Variants in PIGX observed in about 807,000 individuals in gnomAD.
The protein encoded by PIGX is phosphatidylinositol glycan anchor biosynthesis class X.
In PIGX, 24 loss-of-function variants were observed where a neutral mutation model predicts 28.7. The observed-to-expected ratio is 0.84, with a 90% CI of 0.60 to 1.17. The LOEUF (loss-of-function observed/expected upper bound fraction) is 1.17. PIGX is among the 50% of genes most tolerant of loss of function. The pLI, the probability that PIGX is intolerant of heterozygous loss-of-function variation, is 0.00. For synonymous variants in PIGX, 127 were observed against 121.0 expected (o/e 1.05, Z -0.33); for missense variants, 305 against 317.8 (o/e 0.96, Z 0.31).
chr3:196,722,994 T>A (rs1712380776), intron 3 of PIGX, among the ~76,000 whole-genome samples: 1 of 152,226 alleles, frequency 6.6e-6, no homozygotes, highest in South Asian at 2.1e-4. Context: ...CTGCACCCTT[T>A]ACATAAATTA....
chr3:196,715,104 A>T (rs546702136), intron 1 of PIGX, among the ~76,000 whole-genome samples: 10 of 152,100 alleles, frequency 6.6e-5, no homozygotes, highest in Non-Finnish European at 1.3e-4. Flanking sequence ...AAATAAAAAT[A>T]AAAAAAGAAC....
intron 3 of PIGX, among the ~76,000 whole-genome samples, chr3:196,726,116 A>T (rs1037076879): frequency 2.0e-5 from 3 of 152,066 alleles, no homozygotes; most frequent in Non-Finnish European, 4.4e-5. Context: ...TAGAATTAAC[A>T]TCATCTCTAC....
At chr3:196,722,817 A>G (rs1712373941) in intron 3 of PIGX, among the ~76,000 whole-genome samples, 1 of 152,208 alleles carries the variant, frequency 6.6e-6, no homozygotes, top group Admixed American at 6.5e-5. Flanking sequence ...GTATGTCTTG[A>G]GAAAATTAAT....
rs1712874886 is a variant in PIGX, at chr3:196,733,017, A to G, written c.634-742A>G. 6.6e-6 allele frequency among the ~76,000 whole-genome samples: 1 copy of G among 152,194 alleles called. No individual in the cohort carries two copies. The highest frequency in any genetic ancestry group is 2.4e-5 in the African/African-American group (1 of 41,458). On this transcript the variant is annotated intron_variant, in intron 5 of 5. Coordinates refer to ENST00000392391, the MANE Select transcript of PIGX (RefSeq NM_017861.4). This position sits in a 1 kb window ranked among gnomAD's most constrained non-coding sequence, Gnocchi z 4.3. ...AAAGGCAAATGGGAATGAAAGAATA[A>G]TTTAGTTTTTTGTTGTTTTAATGTT... is the stretch of plus-strand genomic sequence containing the variant.
rs79931201 is a variant in PIGX, at chr3:196,715,526, G to T, written c.113-1332G>T. On this transcript the variant is annotated intron_variant, in intron 1 of 5. Transcript: ENST00000392391. Reference sequence around the variant, plus strand: ...TAGCATGTTAGATATTATTTAACCAGTTATTTTTTTCTATTCTTTTTTCAT... The same window carrying T: ...TAGCATGTTAGATATTATTTAACCATTTATTTTTTTCTATTCTTTTTTCAT... Among the ~76,000 whole-genome samples, 5 of 152,254 alleles carry T rather than the reference G, an allele frequency of 3.3e-5. No homozygotes were observed. In the East Asian group the frequency reaches 9.6e-4, roughly 29 times the overall value.
chr3:196,725,067 A>C (rs1288612449), intron 3 of PIGX, among the ~76,000 whole-genome samples: 1 of 152,250 alleles, frequency 6.6e-6, no homozygotes, highest in African/African-American at 2.4e-5. Context: ...AGGATAAGGC[A>C]GATCAAATAA....
At chr3:196,732,296 T>G (rs2108691326) in intron 5 of PIGX, among the ~76,000 whole-genome samples, 1 of 118,966 alleles carries the variant, frequency 8.4e-6, no homozygotes, top group African/African-American at 3.3e-5. Flanking sequence ...TTATTTTTTT[T>G]TTTGAGACGG....
intron 1 of PIGX, among the ~76,000 whole-genome samples, chr3:196,716,341 G>A (rs1203312076): frequency 3.3e-5 from 5 of 152,086 alleles, no homozygotes; most frequent in Admixed American, 6.6e-5. Flanking sequence ...TGTAGGCATG[G>A]ATGTTAGAAT....
At chr3:196,720,647 G>T (rs985684881) in intron 2 of PIGX, among the ~76,000 whole-genome samples, 1 of 152,118 alleles carries the variant, frequency 6.6e-6, no homozygotes, top group Non-Finnish European at 1.5e-5. Flanking sequence ...ATTCCCACCA[G>T]TGATGCTCAA....
chr3:196,717,292 C>G (rs533404123), intron 2 of PIGX, among the ~76,000 whole-genome samples: 7 of 55,280 alleles, frequency 1.3e-4, no homozygotes, highest in Admixed American at 1.9e-4. Context: ...CAGAGTGAGA[C>G]TCTGTCTCAA....
chr3:196,732,684 A>G lies in PIGX; in HGVS notation c.634-1075A>G, dbSNP rs568191533. ...GTTGAAGATGTCATTTTTTTGAATG[A>G]CGGTTTTCAGATAGCACTTTGTTGC... On this transcript the variant is annotated intron_variant, in intron 5 of 5. Coordinates refer to ENST00000392391, the MANE Select transcript of PIGX (RefSeq NM_017861.4). 3.3e-5 allele frequency among the ~76,000 whole-genome samples: 5 copies of G among 152,180 alleles called. No homozygotes were observed. In the East Asian group the frequency reaches 9.7e-4, roughly 29 times the overall value.
Position 196,733,494 on chromosome 3 carries a change from C to T in PIGX, c.634-265C>T, listed in dbSNP as rs948451199. On this transcript the variant is annotated intron_variant, in intron 5 of 5. Transcript: ENST00000392391. This position sits in a 1 kb window ranked among gnomAD's most constrained non-coding sequence, Gnocchi z 4.3. ...GGCACGATCTCAGCTCACTGCAAACCTCCGCCTCCCGGGTTCAAGTGATTG... is the reference window on the plus strand; with the variant it reads ...GGCACGATCTCAGCTCACTGCAAACTTCCGCCTCCCGGGTTCAAGTGATTG... 1.3e-5 allele frequency among the ~76,000 whole-genome samples: 2 copies of T among 152,068 alleles called. No homozygotes were observed. The highest frequency in any genetic ancestry group is 6.6e-5 in the Admixed American group (1 of 15,262).
At chr3:196,722,195 T>G (rs1712353066) in intron 2 of PIGX, among the ~76,000 whole-genome samples, 1 of 152,256 alleles carries the variant, frequency 6.6e-6, no homozygotes, top group South Asian at 2.1e-4. Context: ...TCATTGATCT[T>G]TGTCTATTTT....
chr3:196,715,624 C>A (rs59299642), intron 1 of PIGX, among the ~76,000 whole-genome samples: 6,026 of 152,170 alleles, frequency 0.04, 139 homozygotes, highest in Non-Finnish European at 0.041. Flanking sequence ...ATGGATTCAG[C>A]AATATTCAAT....
chr3:196,714,181 G>A (rs1181249921), intron 1 of PIGX, among the ~76,000 whole-genome samples: 1 of 152,166 alleles, frequency 6.6e-6, no homozygotes, highest in Non-Finnish European at 1.5e-5. Context: ...ATCTGGATTT[G>A]TGCTGGGCAC....
chr3:196,732,219 TATATATATATATATA>T (rs1712797713), intron 5 of PIGX, among the ~76,000 whole-genome samples: 4 of 15,740 alleles, frequency 2.5e-4, no homozygotes, highest in East Asian at 1.8e-3. Flanking sequence ...ATATTATTTA[TATATATATATATATA>T]TATATATATA....
intron 2 of PIGX, 117 bp downstream of exon 2, chr3:196,717,038 C>G (rs1323150334): frequency 3.2e-6 from 2 of 623,602 alleles, no homozygotes; most frequent in Non-Finnish European, 5.7e-6. Flanking sequence ...CGGTGGCTCT[C>G]ATCTGTAATC....
At chr3:196,730,854 G>A in intron 4 of PIGX, 138 bp from the exon 5 acceptor site, 1 of 323,116 alleles carries the variant, frequency 3.1e-6, no homozygotes, top group South Asian at 9.0e-5. Flanking sequence ...TAAAATAACA[G>A]AATGTGATAG....
In PIGX at chr3:196,735,061, G is replaced by C. The variant is rs988291275; in HGVS notation, c.*1159G>C. The C allele has an allele frequency of 2.0e-5, 3 of 152,060 alleles. No homozygotes were observed. Among genetic ancestry groups the C allele is most frequent in the African/African-American group, 7.3e-5 (3 of 41,378 alleles). 9.4% of individuals were successfully genotyped at this position (152,060 alleles called of 1,614,324 possible). ...TATAATCCCAGCACTTTGGGAGGCC[G>C]AGACGGGCAGATCACGAGGTCAGGA... is the stretch of plus-strand genomic sequence containing the variant. On this transcript the variant is annotated 3_prime_UTR_variant, in exon 6 of 6. Transcript: ENST00000392391.
Sources: allele counts gnomAD v4.1 joint callset (sites outside exome capture counted in the v4.1 genomes callset), GRCh38; gene constraint gnomAD v4.1.1; non-coding constraint Gnocchi (gnomAD v3.1); transcripts MANE v1.5; gene names NCBI Gene and HGNC (gene_info 2026-07-23, HGNC 2026-07-21).